SEC31A: variants seen among roughly 807,000 people sequenced by gnomAD.
SEC31A encodes the protein SEC31 homolog A, COPII component.
Under a neutral mutation model 151.0 loss-of-function variants are expected in SEC31A, and 70 were observed. That is an observed-to-expected ratio of 0.46 (90% confidence interval 0.38 to 0.57). SEC31A has a LOEUF of 0.57. SEC31A is among the 20% of genes least tolerant of loss of function. The pLI is 0.00. For missense variants in SEC31A, 1,330 were observed against 1,471.2 expected (o/e 0.90, Z 1.57); for synonymous variants, 475 against 505.9 (o/e 0.94, Z 0.82).
chr4:82,825,546 T>TAACA (rs1724359172), intron 24 of SEC31A, among the ~76,000 whole-genome samples: 1 of 152,130 alleles, frequency 6.6e-6, no homozygotes, highest in Non-Finnish European at 1.5e-5. Context: ...ACGAAAGGAA[T>TAACA]AACATGTAGA....
At chr4:82,828,293 T>G (rs1181175261) in intron 23 of SEC31A, among the ~76,000 whole-genome samples, 1 of 152,234 alleles carries the variant, frequency 6.6e-6, no homozygotes, top group Non-Finnish European at 1.5e-5. Context: ...TGTGCACATG[T>G]GTTTAATATG....
intron 21 of SEC31A, chr4:82,842,696 A>C: frequency 2.0e-6 from 1 of 508,982 alleles, no homozygotes; most frequent in Non-Finnish European, 3.5e-6. Context: ...TGCCATCCCC[A>C]AACTGCCTCT....
At chr4:82,868,589 T>C (rs986384443) in intron 8 of SEC31A, among the ~76,000 whole-genome samples, 1 of 152,154 alleles carries the variant, frequency 6.6e-6, no homozygotes, top group African/African-American at 2.4e-5. Flanking sequence ...TGTTGTGAAC[T>C]CAAAGTTAGT....
intron 2 of SEC31A, 119 bp from the exon 3 acceptor site, chr4:82,881,041 C>A (rs140782695): frequency 6.3e-6 from 5 of 795,510 alleles, no homozygotes; most frequent in Non-Finnish European, 1.0e-5. Flanking sequence ...TGCACATATG[C>A]CATTGAGCAG....
chr4:82,888,096 C>G (rs1741188608), intron 1 of SEC31A, among the ~76,000 whole-genome samples: 1 of 151,564 alleles, frequency 6.6e-6, no homozygotes, highest in Admixed American at 6.6e-5. Flanking sequence ...ATCTATTAGC[C>G]AGGCGCAGTG....
intron 3 of SEC31A, among the ~76,000 whole-genome samples, chr4:82,899,054 G>C (rs1229422957): frequency 6.6e-6 from 1 of 152,190 alleles, no homozygotes; most frequent in Non-Finnish European, 1.5e-5. Context: ...ACTGATACGT[G>C]CTATAAGATG....
intron 7 of SEC31A, 27 bp from the exon 8 acceptor site, chr4:82,870,451 A>T (rs1736393255): frequency 6.4e-7 from 1 of 1,565,282 alleles, no homozygotes; most frequent in African/African-American, 1.4e-5. Context: ...GGAACAAGGA[A>T]ATTTTTAATC....
chr4:82,850,187 G>C (rs1011105538), intron 19 of SEC31A, among the ~76,000 whole-genome samples: 1 of 151,242 alleles, frequency 6.6e-6, no homozygotes, highest in South Asian at 2.1e-4. Flanking sequence ...AATGAATTAA[G>C]CTAGATGAGC....
rs190614306 is a variant in SEC31A at position 82,830,952 on chromosome 4, C to T, written c.2969-1894G>A. The T allele has an allele frequency of 2.2e-3, 2,726 of 1,224,194 alleles. 8 individuals carry two copies. Among genetic ancestry groups the T allele is most frequent in the Non-Finnish European group, 2.5e-3 (2,351 of 948,472 alleles). The allele number at this position is 1,224,194 out of a possible 1,614,324, so 75.8% of individuals were successfully genotyped here. Reference sequence around the variant, plus strand: ...ACCAATTCACCTTCCAACATAGGTGCCTGGTCTTGGATAGACTGGTTTTCT... The same window carrying T: ...ACCAATTCACCTTCCAACATAGGTGTCTGGTCTTGGATAGACTGGTTTTCT... On this transcript the variant is annotated intron_variant, in intron 22 of 26. Transcript: ENST00000395310.
rs755993097 is a variant in SEC31A, at chr4:82,867,225, T to G, written c.974A>C (p.Asp325Ala). 3.1e-6 allele frequency: 5 copies of G among 1,613,896 alleles called. No individual in the cohort carries two copies. The Admixed American group carries it at 5.0e-5, about 16-fold the overall frequency. The change falls in exon 9 of 27, where the codon GAT becomes GCT. Residue 325 changes from aspartate to alanine, a missense_variant. Coordinates refer to ENST00000395310, the MANE Select transcript of SEC31A (RefSeq NM_001077207.4). ...GATAGAATAAACACTGATACGCCCA[T>G]CAAACGAAGCAGCTGATAAGACAGC... ...NPAVLSAASF[D>A]GRISVYSIMG... is the part of the protein sequence containing the mutation.
chr4:82,881,070 C>T (rs758431897), intron 2 of SEC31A, 148 bp from the exon 3 acceptor site: 2 of 653,474 alleles, frequency 3.1e-6, no homozygotes, highest in South Asian at 2.0e-5. Flanking sequence ...ATTACTATAG[C>T]AATGAGATTC....
intron 20 of SEC31A, chr4:82,845,128 G>T (rs1729770638): frequency 1.0e-6 from 1 of 996,872 alleles, no homozygotes; most frequent in Admixed American, 2.1e-5. Flanking sequence ...CTTGAGGAAG[G>T]TAAGTAGAGA....
intron 1 of SEC31A, among the ~76,000 whole-genome samples, chr4:82,889,708 T>C (rs1339629325): frequency 6.6e-6 from 1 of 152,154 alleles, no homozygotes; most frequent in Admixed American, 6.5e-5. Flanking sequence ...ATTCCCATGT[T>C]ATTGGTTTCA....
At chr4:82,853,827 A>T (rs1731965178) in intron 17 of SEC31A, 112 bp from the exon 18 acceptor site, 1 of 759,702 alleles carries the variant, frequency 1.3e-6, no homozygotes, top group Non-Finnish European at 2.1e-6. Flanking sequence ...ATAACCAATG[A>T]ATAGCATAGA....
chr4:82,859,023 A>G (rs1733465140), intron 14 of SEC31A, among the ~76,000 whole-genome samples: 1 of 152,128 alleles, frequency 6.6e-6, no homozygotes, highest in Admixed American at 6.5e-5. Context: ...TTTAAATTAT[A>G]CTATTTTTAA....
intron 8 of SEC31A, 144 bp from the exon 9 acceptor site, chr4:82,867,460 C>T (rs770381822): frequency 5.7e-6 from 4 of 699,094 alleles, no homozygotes; most frequent in South Asian, 2.0e-5. Context: ...AAAAAGAATA[C>T]TAAGATTTTT....
chr4:82,896,931 C>T (rs978920729), intron 3 of SEC31A, among the ~76,000 whole-genome samples: 1 of 152,144 alleles, frequency 6.6e-6, no homozygotes, highest in Non-Finnish European at 1.5e-5. Flanking sequence ...TCTTTTCCTT[C>T]TGCTGCTTCC....
Position 82,829,021 on chromosome 4 carries a change from G to C in SEC31A, c.3006C>G (p.Asn1002Lys). The change falls in exon 23 of 27, where the codon AAC becomes AAG. Residue 1002 changes from asparagine (N) to lysine (K), a missense_variant. Coordinates refer to ENST00000395310, the MANE Select transcript of SEC31A (RefSeq NM_001077207.4). ...GTACCTTCTTCTTTTTGGGTACTCT[G>C]TTCAAAGCTGGAGGGTCATTCCAAC... ...QNGWNDPPAL[N>K]RVPKKKKMPE... 1 of 1,613,660 alleles carries C rather than the reference G, an allele frequency of 6.2e-7. No individual in the cohort carries two copies. The highest frequency in any genetic ancestry group is 8.5e-7 in the Non-Finnish European group (1 of 1,179,646).
In SEC31A at chr4:82,882,558, C is replaced by G. The variant is rs575981465; in HGVS notation, c.-4-618G>C. 4.6e-5 allele frequency among the ~76,000 whole-genome samples: 7 copies of G among 152,058 alleles called. No homozygotes were observed. In the East Asian group the frequency reaches 7.7e-4, roughly 17 times the overall value. On this transcript the variant is annotated intron_variant, in intron 1 of 26. Coordinates refer to ENST00000395310, the MANE Select transcript of SEC31A (RefSeq NM_001077207.4). ...AATAAGGTAGTACCTGAAGAATTAA[C>G]TTTGCTACACATGTGTTTATCCAAC...
Sources: gnomAD v4.1 joint callset for allele counts (sites outside exome capture counted in the v4.1 genomes callset) on GRCh38, gnomAD v4.1.1 for gene constraint, MANE v1.5 for transcripts, NCBI Gene and HGNC (gene_info 2026-07-23, HGNC 2026-07-21) for gene names.